UCP2: variants seen among roughly 807,000 people sequenced by gnomAD.
UCP2 encodes uncoupling protein 2.
In UCP2, 27 loss-of-function variants were observed where a neutral mutation model predicts 31.3. The observed-to-expected ratio is 0.86, with a 90% CI of 0.64 to 1.19. The LOEUF is 1.19. UCP2 is among the 50% of genes most tolerant of loss of function. UCP2 has a pLI of 0.00. For missense variants in UCP2, 377 were observed against 413.5 expected (o/e 0.91, Z 0.76); for synonymous variants, 142 against 157.4 (o/e 0.90, Z 0.73).
intron 4 of UCP2, among the ~76,000 whole-genome samples, chr11:73,977,369 CTGGGATTCCTAAGACT>C (rs765547680): frequency 8.5e-5 from 13 of 152,184 alleles, no homozygotes; most frequent in Non-Finnish European, 1.8e-4. Flanking sequence ...TTTCTGAGGA[CTGGGATTCCTAAGACT>C]TGGGATCTCA....
At chr11:73,982,510 G>A (rs1244831722) in intron 1 of UCP2, among the ~76,000 whole-genome samples, 3 of 152,240 alleles carry the variant, frequency 2.0e-5, no homozygotes, top group Non-Finnish European at 1.5e-5. Context: ...GGGAGGTGGA[G>A]GCTGCAGTGA....
Position 73,978,050 on chromosome 11 carries a change from T to A in UCP2, c.173A>T (p.Gln58Leu), listed in dbSNP as rs1470819826. ...QGPVRATASA[Q>L]YRGVMGTILT... is the part of the protein sequence containing the mutation. ...AATGGTGCCCATCACACCGCGGTAC[T>A]GGGCGCTGGCTGTAGCGCGCACTGG... Residue 58 changes from glutamine (Q) to leucine (L), a missense_variant, in exon 4 of 8, where the codon CAG (glutamine) becomes CTG (leucine). Coordinates refer to ENST00000663595, the MANE Select transcript of UCP2 (RefSeq NM_003355.3). The A allele has an allele frequency of 1.9e-6, 3 of 1,613,436 alleles. No homozygotes were observed. The Admixed American group carries it at 5.0e-5, about 27-fold the overall frequency.
intron 6 of UCP2, among the ~76,000 whole-genome samples, chr11:73,976,355 A>C (rs1379953863): frequency 6.6e-6 from 1 of 152,160 alleles, no homozygotes; most frequent in Non-Finnish European, 1.5e-5. Context: ...CTCAAAAAAA[A>C]CAAAAAACAA....
chr11:73,974,934 A>C lies in UCP2; in HGVS notation c.*73T>G, dbSNP rs756860299. The C allele has an allele frequency of 1.2e-4, 114 of 915,956 alleles. No individual in the cohort carries two copies. Among genetic ancestry groups the C allele is most frequent in the Non-Finnish European group, 1.7e-4 (107 of 632,056 alleles). 56.7% of individuals were successfully genotyped at this position (915,956 alleles called of 1,614,324 possible). A position where few individuals can be genotyped will look rare whatever the true frequency, so the allele number is the denominator to read the frequency against. ...GAGAGAAGGGAAGGAGGGAAGAGAA[A>C]GAAGGAAGAAAAGGAAAGCATGGCC... On this transcript the variant is annotated 3_prime_UTR_variant, in exon 8 of 8. Coordinates refer to ENST00000663595, the MANE Select transcript of UCP2 (RefSeq NM_003355.3).
Position 73,976,757 on chromosome 11 carries a change from A to G in UCP2, c.533-15T>C. 1 of 1,614,212 alleles carries G rather than the reference A, an allele frequency of 6.2e-7. No individual in the cohort carries two copies. The highest frequency in any genetic ancestry group is 8.5e-7 in the Non-Finnish European group (1 of 1,180,032). ...GGGAGAGGTCCCTGTAGGAGGAGGAAGATCCTGGGTGAGACCAGAGTATCG... is the reference window on the plus strand; with the variant it reads ...GGGAGAGGTCCCTGTAGGAGGAGGAGGATCCTGGGTGAGACCAGAGTATCG... On this transcript the variant is annotated splice_polypyrimidine_tract_variant and intron_variant, in intron 5 of 7. Coordinates refer to ENST00000663595, the MANE Select transcript of UCP2 (RefSeq NM_003355.3).
chr11:73,977,058 C>T (rs1951362500), intron 4 of UCP2, 41 bp from the exon 5 acceptor site: 1 of 1,561,086 alleles, frequency 6.4e-7, no homozygotes, highest in Admixed American at 1.9e-5. Flanking sequence ...CGGGCTTGCA[C>T]TCATTTTCTA....
At chr11:73,977,857 A>G in intron 4 of UCP2, 29 bp downstream of exon 4, 1 of 1,613,912 alleles carries the variant, frequency 6.2e-7, no homozygotes, top group Non-Finnish European at 8.5e-7. Context: ...AAAAGGGCCA[A>G]GGGGCCTACA....
At chr11:73,976,509 G>A (rs1426436660) in intron 6 of UCP2, 132 bp downstream of exon 6, 3 of 758,882 alleles carry the variant, frequency 4.0e-6, no homozygotes, top group Non-Finnish European at 6.8e-6. Flanking sequence ...TGGCAAGTAA[G>A]AGATATCTTA....
chr11:73,974,836 A>C lies in UCP2; in HGVS notation c.*171T>G. The C allele has an allele frequency of 2.5e-6, 1 of 406,560 alleles. No individual in the cohort carries two copies. Among genetic ancestry groups the C allele is most frequent in the Non-Finnish European group, 4.7e-6 (1 of 214,960 alleles). 25.2% of individuals were successfully genotyped at this position (406,560 alleles called of 1,614,324 possible). On this transcript the variant is annotated 3_prime_UTR_variant, in exon 8 of 8. Coordinates refer to ENST00000663595, the MANE Select transcript of UCP2 (RefSeq NM_003355.3). The stretch of plus-strand genomic sequence containing the variant: ...CAACTCCACCAGCACTGAGACAATG[A>C]GTAGATGAGAATGTAGAAAGAGGGA...
At chr11:73,982,478 G>C (rs531484901) in intron 1 of UCP2, among the ~76,000 whole-genome samples, 2 of 152,322 alleles carry the variant, frequency 1.3e-5, no homozygotes, top group South Asian at 2.1e-4. Context: ...CCAGCTACTC[G>C]GCAGGCGGAT....
chr11:73,975,498 A>G lies in UCP2; in HGVS notation c.808T>C (p.Tyr270His), dbSNP rs750166646. ...MLQKEGPRAF[Y>H]KGFMPSFLRL... ...GGAGGACCAGAGGCTCACCCTTTGT[A>G]GAAGGCTCGGGGCCCCTCCTTCTGG... is the stretch of plus-strand genomic sequence containing the variant. Residue 270 changes from tyrosine (Y) to histidine (H), a missense_variant, in exon 7 of 8, where the codon TAC (tyrosine) becomes CAC (histidine). Coordinates refer to ENST00000663595, the MANE Select transcript of UCP2 (RefSeq NM_003355.3). 3.1e-5 allele frequency: 50 copies of G among 1,609,794 alleles called. No individual in the cohort carries two copies. The East Asian group carries it at 4.5e-4, about 14-fold the overall frequency.
At chr11:73,977,491 C>T (rs1951372794) in intron 4 of UCP2, among the ~76,000 whole-genome samples, 1 of 152,134 alleles carries the variant, frequency 6.6e-6, no homozygotes, top group African/African-American at 2.4e-5. Context: ...GTTGGCATGG[C>T]ATACTAAGGA....
intron 4 of UCP2, 51 bp from the exon 5 acceptor site, chr11:73,977,068 A>G: frequency 6.5e-7 from 1 of 1,540,178 alleles, no homozygotes; most frequent in Non-Finnish European, 8.8e-7. Flanking sequence ...CTCATTTTCT[A>G]CCTCATCTCT....
chr11:73,975,162 T>A, intron 7 of UCP2, 41 bp from the exon 8 acceptor site: 1 of 1,533,380 alleles, frequency 6.5e-7, no homozygotes, highest in Non-Finnish European at 8.9e-7. Context: ...CACCTCCACC[T>A]CCCACTTCCC....
At chr11:73,975,701 A>C in intron 6 of UCP2, 30 bp from the exon 7 acceptor site, 1 of 1,613,668 alleles carries the variant, frequency 6.2e-7, no homozygotes, top group South Asian at 1.1e-5. Flanking sequence ...AAGGCAGTCA[A>C]GATCTTCACC....
rs1470360298 is a variant in UCP2 at position 73,974,791 on chromosome 11, C to T, written c.*216G>A. On this transcript the variant is annotated 3_prime_UTR_variant, in exon 8 of 8. Transcript: ENST00000663595. ...GCTTGGGATCCTGGCTGGTACGAGG[C>T]CTCCCACACTGTCAAATGTCAACTC... 8.5e-6 allele frequency: 3 copies of T among 351,656 alleles called. No individual in the cohort carries two copies. The highest frequency in any genetic ancestry group is 2.7e-5 in the African/African-American group (1 of 37,518). The allele number at this position is 351,656 out of a possible 1,614,324, so 21.8% of individuals were successfully genotyped here.
chr11:73,979,192 C>T (rs1194318516), intron 2 of UCP2, among the ~76,000 whole-genome samples: 1 of 152,162 alleles, frequency 6.6e-6, no homozygotes, highest in Non-Finnish European at 1.5e-5. Flanking sequence ...GACATACTCT[C>T]AAAATGCAAA....
At chr11:73,980,949 GCA>G (rs1267601694) in intron 2 of UCP2, 1 of 152,222 alleles carries the variant, frequency 6.6e-6, no homozygotes, top group African/African-American at 2.4e-5. Context: ...AAAGACAAGT[GCA>G]CAGAGGTTCA....
In UCP2 at chr11:73,978,079, C is replaced by T. The variant is rs956930349; in HGVS notation, c.144G>A (p.Gln48=). The T allele has an allele frequency of 2.3e-5, 37 of 1,613,946 alleles. No homozygotes were observed. The highest frequency in any genetic ancestry group is 1.6e-4 in the Middle Eastern group (1 of 6,084). ...KVRLQIQGES[Q]GPVRATASAQ... ...CGCTGGCTGTAGCGCGCACTGGCCC[C>T]TGACTTTCTCCTTGGATCTGCAAGG... Residue 48 remains glutamine, a synonymous_variant, in exon 4 of 8, where the codon CAG becomes CAA. Transcript: ENST00000663595.
Sources: gnomAD v4.1 joint callset for allele counts (sites outside exome capture counted in the v4.1 genomes callset) on GRCh38, gnomAD v4.1.1 for gene constraint, MANE v1.5 for transcripts, NCBI Gene and HGNC (gene_info 2026-07-23, HGNC 2026-07-21) for gene names.